The following PARD3 variants were observed in gnomAD, a reference collection of about 807,000 sequenced individuals.
PARD3 encodes the protein partitioning defective 3 homolog.
Under a neutral mutation model 155.4 loss-of-function variants are expected in PARD3, and 75 were observed. The ratio of observed to expected loss-of-function variants is 0.48; its 90% confidence interval spans 0.40 to 0.58. The LOEUF (loss-of-function observed/expected upper bound fraction) is 0.58, where lower values mean the gene tolerates loss of function less well. PARD3 is among the 20% of genes least tolerant of loss of function. The probability of loss-of-function intolerance (pLI) is 0.00; values close to 1 mark genes in which losing one functional copy is unlikely to be tolerated. For missense variants in PARD3, 1,642 were observed against 1,721.7 expected (o/e 0.95, Z 0.82); for synonymous variants, 576 against 610.5 (o/e 0.94, Z 0.83).
In PARD3 at chr10:34,686,052, A is replaced by G. The variant is rs143433436; in HGVS notation, c.222+10266T>C. Among the ~76,000 whole-genome samples the G allele has an allele frequency of 1.5e-3, 221 of 152,344 alleles. 1 individual carries two copies. The highest frequency in any genetic ancestry group is 5.2e-3 in the African/African-American group (218 of 41,588). ...TTTCACATGTTTAGTAATAACTAAA[A>G]TACTACTTACTTGAAATAAGAACAC... On this transcript the variant is annotated intron_variant, in intron 2 of 24. Coordinates refer to ENST00000374788, the MANE Select transcript of PARD3 (RefSeq NM_001184785.2).
At chr10:34,138,962 C>CAAA (rs57894468) in intron 22 of PARD3, among the ~76,000 whole-genome samples, 3,953 of 144,458 alleles carry the variant, frequency 0.027, 91 homozygotes, top group African/African-American at 0.069. Context: ...TACCACACTC[C>CAAA]AAAAAAAAAA....
chr10:34,272,382 A>G (rs541222299), intron 21 of PARD3, among the ~76,000 whole-genome samples: 2 of 152,314 alleles, frequency 1.3e-5, no homozygotes, highest in East Asian at 3.9e-4. Context: ...AGTACAGACT[A>G]GAAAAAAATA....
At chr10:34,252,236 C>A (rs1303745860) in intron 22 of PARD3, among the ~76,000 whole-genome samples, 1 of 152,110 alleles carries the variant, frequency 6.6e-6, no homozygotes, top group Non-Finnish European at 1.5e-5. Context: ...GGGGACAGAG[C>A]CAGGCCCCTC....
chr10:34,419,225 G>A (rs551932165), intron 5 of PARD3, among the ~76,000 whole-genome samples: 50 of 151,968 alleles, frequency 3.3e-4, no homozygotes, highest in Non-Finnish European at 6.3e-4. Flanking sequence ...AAGAAGTAAT[G>A]CAAAGAAACA....
At chr10:34,598,307 A>G (rs1280931767) in intron 2 of PARD3, among the ~76,000 whole-genome samples, 2 of 150,862 alleles carry the variant, frequency 1.3e-5, no homozygotes, top group African/African-American at 2.5e-5. Flanking sequence ...CAAAAAAATG[A>G]TATTACAAAT....
At chr10:34,499,830 G>A (rs1246871017) in intron 3 of PARD3, among the ~76,000 whole-genome samples, 1 of 152,168 alleles carries the variant, frequency 6.6e-6, no homozygotes, top group Non-Finnish European at 1.5e-5. Flanking sequence ...CCAGATGCCT[G>A]AGAATGCTCC....
At chr10:34,714,862 C>T (rs1388888506) in intron 1 of PARD3, among the ~76,000 whole-genome samples, 4 of 150,674 alleles carry the variant, frequency 2.7e-5, no homozygotes, top group African/African-American at 9.8e-5. Context: ...GCAACCTCCG[C>T]CTCCCGAGTT....
chr10:34,681,800 T>TTA (rs2093847642), intron 2 of PARD3, among the ~76,000 whole-genome samples: 1 of 85,864 alleles, frequency 1.2e-5, no homozygotes, highest in African/African-American at 4.3e-5. Context: ...TTTTTTTTTT[T>TTA]AAGTAAGACA....
intron 2 of PARD3, among the ~76,000 whole-genome samples, chr10:34,691,665 G>A (rs1347370557): frequency 2.0e-5 from 3 of 152,190 alleles, no homozygotes; most frequent in African/African-American, 7.2e-5. Flanking sequence ...CAAAGCTGGA[G>A]GCATCACATT....
At chr10:34,344,388 T>A (rs990902866) in intron 15 of PARD3, 3 of 659,130 alleles carry the variant, frequency 4.6e-6, no homozygotes, top group Non-Finnish European at 5.6e-6. Context: ...GTTTAAGCAA[T>A]TCTCCTGCCT....
chr10:34,243,933 A>G (rs1396593955), intron 22 of PARD3, among the ~76,000 whole-genome samples: 1 of 152,236 alleles, frequency 6.6e-6, no homozygotes, highest in Non-Finnish European at 1.5e-5. Flanking sequence ...CATCCTGCAC[A>G]ACAACCCTAC....
intron 5 of PARD3, among the ~76,000 whole-genome samples, chr10:34,402,157 A>C (rs564554375): frequency 9.2e-5 from 14 of 152,302 alleles, no homozygotes; most frequent in African/African-American, 3.4e-4. Context: ...TGTGATAAGG[A>C]AAGAAAACAA....
intron 2 of PARD3, among the ~76,000 whole-genome samples, chr10:34,575,292 C>CA (rs2086793117): frequency 6.6e-6 from 1 of 152,080 alleles, no homozygotes; most frequent in Non-Finnish European, 1.5e-5. Context: ...ATAATTAAGA[C>CA]CAGTGACTAT....
At chr10:34,178,546 G>A (rs755154371) in intron 22 of PARD3, among the ~76,000 whole-genome samples, 10 of 152,170 alleles carry the variant, frequency 6.6e-5, no homozygotes, top group African/African-American at 9.7e-5. Context: ...AGGAAAAACA[G>A]GGATAAGAAA....
chr10:34,729,183 G>T (rs11812353), intron 1 of PARD3, among the ~76,000 whole-genome samples: 2,999 of 152,224 alleles, frequency 0.02, 100 homozygotes, highest in African/African-American at 0.068. Flanking sequence ...TAAGCGGCGC[G>T]TGACTATGAA....
chr10:34,708,046 C>T (rs971844055), intron 1 of PARD3, among the ~76,000 whole-genome samples: 9 of 152,150 alleles, frequency 5.9e-5, no homozygotes, highest in African/African-American at 2.2e-4. Flanking sequence ...CCTTATCTTC[C>T]CTCTAACACC....
At chr10:34,757,988 A>G (rs1160185692) in intron 1 of PARD3, among the ~76,000 whole-genome samples, 1 of 152,230 alleles carries the variant, frequency 6.6e-6, no homozygotes, top group African/African-American at 2.4e-5. Flanking sequence ...TTAATTTCCT[A>G]AACCAGCTTC....
At position 34,613,803 on chromosome 10, in the gene PARD3, T is replaced by C. The variant is rs530876737; in HGVS notation, c.222+82515A>G. On this transcript the variant is annotated intron_variant, in intron 2 of 24. Transcript: ENST00000374788. ...TTCTCAGTTTATGGGAGAAACCAAC[T>C]AGGGTGAATGTGGAGAAACCATTTT... Among the ~76,000 whole-genome samples the C allele has an allele frequency of 2.6e-5, 4 of 152,356 alleles. No homozygotes were observed. The South Asian group carries it at 8.3e-4, about 32-fold the overall frequency.
chr10:34,548,601 G>T (rs2084296152), intron 2 of PARD3, among the ~76,000 whole-genome samples: 1 of 151,586 alleles, frequency 6.6e-6, no homozygotes, highest in Non-Finnish European at 1.5e-5. Flanking sequence ...CTACCAGCTG[G>T]CATTAAAATG....
Sources: allele counts gnomAD v4.1 joint callset (sites outside exome capture counted in the v4.1 genomes callset), GRCh38; gene constraint gnomAD v4.1.1; transcripts MANE v1.5; gene names NCBI Gene and HGNC (gene_info 2026-07-23, HGNC 2026-07-21).